Variants in IFT88 observed in about 807,000 individuals in gnomAD.
IFT88 encodes the protein intraflagellar transport protein 88 homolog.
IFT88 carries 74 observed loss-of-function variants against 119.5 expected under a neutral mutation model. The observed-to-expected ratio is 0.62, with a 90% CI of 0.51 to 0.75. The LOEUF is 0.75. Among genes scored for constraint, IFT88 ranks in the 30% least tolerant of loss-of-function variants. IFT88 has a pLI of 0.00. For synonymous variants in IFT88, 279 were observed against 316.7 expected (o/e 0.88, Z 1.26); for missense variants, 961 against 977.7 (o/e 0.98, Z 0.23).
chr13:20,653,854 A>G, intron 20 of IFT88, 22 bp from the exon 21 acceptor site: 10 of 1,365,832 alleles, frequency 7.3e-6, no homozygotes, highest in African/African-American at 1.5e-5. Flanking sequence ...CTCTAATTTC[A>G]TCTCATTTAT....
rs145383209 is a variant in IFT88, at chr13:20,615,877, T to A, written c.1197T>A (p.Asp399Glu). Reference sequence around the variant, plus strand: ...AAACATCTTTTGCTGCAGGTTATGATTGGTAAGAGAGAAAGTCTATAATAC... The same window carrying A: ...AAACATCTTTTGCTGCAGGTTATGAATGGTAAGAGAGAAAGTCTATAATAC... The part of the protein sequence containing the change: ...VIETSFAAGY[D>E]WCVEVVKASQ... The change falls in exon 14 of 26, where the codon GAT becomes GAA. Residue 399 changes from aspartate (D) to glutamate (E), a missense_variant and splice_region_variant. By Grantham distance (45) the Asp-to-Glu change is conservative. Coordinates refer to ENST00000351808, the MANE Select transcript of IFT88 (RefSeq NM_006531.5). The A allele has an allele frequency of 4.6e-5, 73 of 1,591,918 alleles. No homozygotes were observed. The highest frequency in any genetic ancestry group is 5.2e-5 in the Non-Finnish European group (61 of 1,164,198).
chr13:20,590,490 C>T (rs942050925), intron 4 of IFT88, among the ~76,000 whole-genome samples: 1 of 152,004 alleles, frequency 6.6e-6, no homozygotes, highest in East Asian at 1.9e-4. Context: ...TATAATGTTC[C>T]TTTATATGAG....
intron 3 of IFT88, among the ~76,000 whole-genome samples, chr13:20,583,628 T>C (rs1481284445): frequency 6.6e-6 from 1 of 152,220 alleles, no homozygotes; most frequent in Non-Finnish European, 1.5e-5. Flanking sequence ...TTTTTTAGTT[T>C]GATGTAGTCC....
chr13:20,684,815 C>G (rs2057713096), intron 24 of IFT88, among the ~76,000 whole-genome samples: 1 of 152,228 alleles, frequency 6.6e-6, no homozygotes. Flanking sequence ...CTTAAGAGTA[C>G]TCGGGTGTTC....
In IFT88 at chr13:20,641,356, T is replaced by C. The variant is rs1266578027; in HGVS notation, c.1640T>C (p.Ile547Thr). 1 of 1,612,784 alleles carries C rather than the reference T, an allele frequency of 6.2e-7. No homozygotes were observed. Among genetic ancestry groups the C allele is most frequent in the East Asian group, 2.2e-5 (1 of 44,838 alleles). ...GACTGTTTCCTGAAACTTCACGCAATCCTACGAAACAGTGCCGAAGTTCTT... is the reference window on the plus strand; with the variant it reads ...GACTGTTTCCTGAAACTTCACGCAACCCTACGAAACAGTGCCGAAGTTCTT... ...ALDCFLKLHA[I>T]LRNSAEVLYQ... The change falls in exon 18 of 26, where the codon ATC (isoleucine) becomes ACC (threonine). Residue 547 changes from isoleucine to threonine, a missense_variant. By Grantham distance (89) the Ile-to-Thr change is moderately conservative (BLOSUM62 -1). Coordinates refer to ENST00000351808, the MANE Select transcript of IFT88 (RefSeq NM_006531.5).
intron 3 of IFT88, among the ~76,000 whole-genome samples, chr13:20,585,256 G>A (rs986468202): frequency 2.0e-5 from 3 of 152,098 alleles, no homozygotes; most frequent in African/African-American, 7.2e-5. Context: ...ATGGTTCCCA[G>A]AACCATCCTC....
intron 20 of IFT88, among the ~76,000 whole-genome samples, chr13:20,651,492 C>A (rs182075320): frequency 2.0e-5 from 3 of 149,338 alleles, no homozygotes; most frequent in East Asian, 2.0e-4. Flanking sequence ...CAAAAGTAGC[C>A]TCAGCATTAT....
At chr13:20,682,546 GT>G (rs1299273607) in intron 24 of IFT88, among the ~76,000 whole-genome samples, 2 of 152,262 alleles carry the variant, frequency 1.3e-5, no homozygotes, top group Non-Finnish European at 2.9e-5. Flanking sequence ...CCTACTTATG[GT>G]TACTTTCTGT....
At chr13:20,594,483 C>T (rs1379049401) in intron 7 of IFT88, among the ~76,000 whole-genome samples, 7 of 151,980 alleles carry the variant, frequency 4.6e-5, no homozygotes, top group Non-Finnish European at 1.0e-4. Flanking sequence ...AGAAGAAGGG[C>T]GGGTGGCAGG....
At chr13:20,574,177 CTTAG>C (rs981873512) in intron 1 of IFT88, among the ~76,000 whole-genome samples, 199 bp from the exon 2 acceptor site, 1 of 151,910 alleles carries the variant, frequency 6.6e-6, no homozygotes, top group Non-Finnish European at 1.5e-5. Flanking sequence ...AAATTTCAAA[CTTAG>C]TTGGGTGTGG....
At chr13:20,621,313 C>A (rs547602028) in intron 14 of IFT88, among the ~76,000 whole-genome samples, 1 of 152,104 alleles carries the variant, frequency 6.6e-6, no homozygotes, top group South Asian at 2.1e-4. Context: ...GTGATCTGCC[C>A]ACCTCAGCCT....
intron 24 of IFT88, among the ~76,000 whole-genome samples, chr13:20,677,544 A>G (rs2056826080): frequency 1.3e-5 from 2 of 152,218 alleles, no homozygotes; most frequent in African/African-American, 4.8e-5. Context: ...GCTTCCTGGT[A>G]ATAAGAGGAT....
intron 21 of IFT88, among the ~76,000 whole-genome samples, chr13:20,656,121 T>TAAAAAAAAAA (rs2052735925): frequency 0.029 from 68 of 2,370 alleles, 1 homozygote; most frequent in African/African-American, 0.07. Flanking sequence ...CCTCGTCTCT[T>TAAAAAAAAAA]TAAAAAAAAA....
chr13:20,661,812 A>T (rs1195052425), intron 22 of IFT88, among the ~76,000 whole-genome samples: 1 of 152,192 alleles, frequency 6.6e-6, no homozygotes, highest in East Asian at 1.9e-4. Context: ...TTAGCAGATT[A>T]GAAGAACTGC....
Position 20,643,525 on chromosome 13 carries a change from G to A in IFT88, c.1753G>A (p.Asp585Asn), listed in dbSNP as rs146631055. 2.5e-6 allele frequency: 4 copies of A among 1,611,726 alleles called. No homozygotes were observed. Among genetic ancestry groups the A allele is most frequent in the Non-Finnish European group, 3.4e-6 (4 of 1,178,126 alleles). ...GCAGGTGGTCAGTGTTATTCCAACC[G>A]ATCCTCAAGTTTTATCTAAGCTAGG... is the stretch of plus-strand genomic sequence containing the variant. ...LMQVVSVIPT[D>N]PQVLSKLGEL... Residue 585 changes from aspartate to asparagine, a missense_variant, in exon 19 of 26, where the codon GAT becomes AAT. Transcript: ENST00000351808.
At chr13:20,615,470 C>T (rs994549602) in intron 13 of IFT88, among the ~76,000 whole-genome samples, 1 of 152,158 alleles carries the variant, frequency 6.6e-6, no homozygotes, top group African/African-American at 2.4e-5. Flanking sequence ...ACTTTCGTGT[C>T]TGCAGTGTAG....
At chr13:20,683,716 C>G (rs927193784) in intron 24 of IFT88, among the ~76,000 whole-genome samples, 2 of 152,108 alleles carry the variant, frequency 1.3e-5, no homozygotes, top group African/African-American at 2.4e-5. Context: ...ACAGGTAGGA[C>G]ATTTATCAGT....
intron 16 of IFT88, among the ~76,000 whole-genome samples, chr13:20,634,079 T>C (rs952714719): frequency 5.3e-5 from 8 of 152,210 alleles, no homozygotes; most frequent in African/African-American, 1.9e-4. Flanking sequence ...CAACTCAGTC[T>C]TCCCTCAGAG....
chr13:20,663,413 A>G (rs776499744), intron 22 of IFT88, 85 bp from the exon 23 acceptor site: 1 of 1,566,390 alleles, frequency 6.4e-7, no homozygotes, highest in South Asian at 1.2e-5. Context: ...CCTGTATCCC[A>G]AAAGACTGAG....
Sources: gnomAD v4.1 joint callset for allele counts (sites outside exome capture counted in the v4.1 genomes callset) on GRCh38, gnomAD v4.1.1 for gene constraint, MANE v1.5 for transcripts, NCBI Gene and HGNC (gene_info 2026-07-23, HGNC 2026-07-21) for gene names.